Variants in NBAS observed in about 807,000 individuals in gnomAD.
NBAS encodes NBAS subunit of NRZ tethering complex, also known as NAG/BC035112 fusion.
Under a neutral mutation model 302.5 loss-of-function variants are expected in NBAS, and 219 were observed. The observed-to-expected ratio is 0.72, with a 90% CI of 0.65 to 0.81. NBAS has a LOEUF of 0.81. NBAS is among the 30% of genes least tolerant of loss of function. NBAS has a pLI of 0.00. For missense variants in NBAS, 2,932 were observed against 2,841.6 expected (o/e 1.03, Z -0.72); for synonymous variants, 1,118 against 1,021.6 (o/e 1.09, Z -1.80).
intron 44 of NBAS, among the ~76,000 whole-genome samples, chr2:15,245,161 G>A (rs150048817): frequency 6.6e-6 from 1 of 152,200 alleles, no homozygotes; most frequent in Admixed American, 6.5e-5. Flanking sequence ...CCGTGTAATG[G>A]CTTCCCAACT....
chr2:15,429,856 T>C (rs528300608), intron 21 of NBAS, among the ~76,000 whole-genome samples: 1 of 152,258 alleles, frequency 6.6e-6, no homozygotes, highest in African/African-American at 2.4e-5. Context: ...TGTCACCAAA[T>C]AAAAAACTAT....
At chr2:15,065,521 T>C in the NBAS span, among the ~76,000 whole-genome samples, 2 of 152,182 alleles carry the variant, frequency 1.3e-5, no homozygotes, top group Non-Finnish European at 2.9e-5. Context: ...ACACGAAATA[T>C]TGTTAGAACT....
At chr2:14,785,648 C>G in the NBAS span, among the ~76,000 whole-genome samples, 2 of 152,274 alleles carry the variant, frequency 1.3e-5, no homozygotes, top group East Asian at 1.9e-4. Context: ...ATTGAACCAG[C>G]CTTGCATCCC....
At chr2:15,225,437 A>C (rs1486879955) in intron 47 of NBAS, among the ~76,000 whole-genome samples, 1 of 152,166 alleles carries the variant, frequency 6.6e-6, no homozygotes, top group Non-Finnish European at 1.5e-5. Context: ...TGGATGATCT[A>C]CTTTGCCTCA....
intron 31 of NBAS, among the ~76,000 whole-genome samples, chr2:15,372,193 T>C (rs1306901727): frequency 1.1e-4 from 17 of 152,128 alleles, no homozygotes; most frequent in Admixed American, 1.1e-3. Flanking sequence ...AAATGAAATA[T>C]TCAAAGGCTG....
At chr2:15,434,518 C>A (rs947004001) in intron 21 of NBAS, among the ~76,000 whole-genome samples, 1 of 152,148 alleles carries the variant, frequency 6.6e-6, no homozygotes, top group Non-Finnish European at 1.5e-5. Flanking sequence ...TGACCCACAT[C>A]AAAAAGTCTC....
chr2:15,161,135 T>C, the NBAS span, among the ~76,000 whole-genome samples: 1 of 152,200 alleles, frequency 6.6e-6, no homozygotes, highest in Non-Finnish European at 1.5e-5. Context: ...GTTCAAATCC[T>C]GACTCTCACT....
chr2:14,842,793 C>T, the NBAS span, among the ~76,000 whole-genome samples: 1 of 150,766 alleles, frequency 6.6e-6, no homozygotes, highest in South Asian at 2.1e-4. Flanking sequence ...AGAAATACTT[C>T]CAAACACATT....
chr2:14,844,754 A>C, the NBAS span, among the ~76,000 whole-genome samples: 2 of 152,180 alleles, frequency 1.3e-5, no homozygotes, highest in African/African-American at 4.8e-5. Context: ...GAATATCAGC[A>C]GTAGGCTGGC....
In NBAS at chr2:15,291,752, C is replaced by G. The variant is rs77958885; in HGVS notation, c.5027+785G>C. Among the ~76,000 whole-genome samples the G allele has an allele frequency of 5.9e-5, 9 of 152,156 alleles. No homozygotes were observed. The East Asian group carries it at 1.7e-3, about 29-fold the overall frequency. On this transcript the variant is annotated intron_variant, in intron 41 of 51. Transcript: ENST00000281513. ...AGTCAATTGTATCTAGTTTACCATACTGAAGAAGAAATTAAAGTGCCATGT... is the reference window on the plus strand; with the variant it reads ...AGTCAATTGTATCTAGTTTACCATAGTGAAGAAGAAATTAAAGTGCCATGT...
At chr2:14,884,182 C>T in the NBAS span, among the ~76,000 whole-genome samples, 1 of 151,910 alleles carries the variant, frequency 6.6e-6, no homozygotes, top group East Asian at 1.9e-4. Context: ...TCATTTTGAG[C>T]GTAGTTAATG....
Position 15,379,658 on chromosome 2 carries a change from G to T in NBAS, c.3534C>A (p.Ser1178Arg), listed in dbSNP as rs1674933610. The change falls in exon 30 of 52, where the codon AGC (serine) becomes AGA (arginine). Residue 1178 changes from serine (S) to arginine (R), a missense_variant. Ser to Arg is a moderately radical substitution (Grantham distance 110). Transcript: ENST00000281513. ...EKSIDLVLAA[S>R]REYFNSSTNL... The stretch of plus-strand genomic sequence containing the variant: ...TGGTAGAAGAATTGAAGTACTCTCT[G>T]CTGGCAGCCAAAACCAAGTCAATAC... 6.2e-7 allele frequency: 1 copy of T among 1,613,822 alleles called. No homozygotes were observed. Among genetic ancestry groups the T allele is most frequent in the Non-Finnish European group, 8.5e-7 (1 of 1,179,968 alleles).
the NBAS span, among the ~76,000 whole-genome samples, chr2:14,918,620 G>T: frequency 6.6e-6 from 1 of 152,216 alleles, no homozygotes; most frequent in African/African-American, 2.4e-5. Flanking sequence ...CCTTAGTCTT[G>T]TCCCTGAGGG....
intron 47 of NBAS, among the ~76,000 whole-genome samples, chr2:15,223,345 T>G (rs966580548): frequency 2.0e-5 from 3 of 152,184 alleles, no homozygotes; most frequent in Admixed American, 1.3e-4. Context: ...TTTTTTTATC[T>G]GTGTAATTTT....
chr2:14,794,066 A>C, the NBAS span, among the ~76,000 whole-genome samples: 2 of 152,194 alleles, frequency 1.3e-5, no homozygotes, highest in African/African-American at 4.8e-5. Context: ...AAATTCTTCA[A>C]ACAGAAAGAA....
the NBAS span, among the ~76,000 whole-genome samples, chr2:14,938,797 A>G: frequency 0.043 from 6,565 of 152,312 alleles, 437 homozygotes; most frequent in African/African-American, 0.15. Flanking sequence ...GTTCTGTTCT[A>G]TTAACTCTGA....
the NBAS span, among the ~76,000 whole-genome samples, chr2:15,151,221 C>CAAA: frequency 5.9e-4 from 90 of 152,276 alleles, no homozygotes; most frequent in Admixed American, 1.3e-3. Context: ...CCCCATGTCT[C>CAAA]AATAAGTGAA....
the NBAS span, among the ~76,000 whole-genome samples, chr2:15,161,906 C>T: frequency 1.8e-4 from 28 of 152,132 alleles, no homozygotes; most frequent in African/African-American, 5.8e-4. Flanking sequence ...GGGATGTCAC[C>T]TTAGGATTTT....
At chr2:15,538,748 G>A (rs186698380) in intron 7 of NBAS, among the ~76,000 whole-genome samples, 24 of 152,188 alleles carry the variant, frequency 1.6e-4, no homozygotes, top group African/African-American at 5.8e-4. Context: ...GAGAACATCT[G>A]CCCAACCTAC....
Sources: allele counts gnomAD v4.1 joint callset (sites outside exome capture counted in the v4.1 genomes callset), GRCh38; gene constraint gnomAD v4.1.1; transcripts MANE v1.5; gene names NCBI Gene and HGNC (gene_info 2026-07-23, HGNC 2026-07-21).